Variants in HIRA observed in about 807,000 individuals in gnomAD.
HIRA encodes histone cell cycle regulator, also known as protein HIRA.
A neutral mutation model predicts 126.6 loss-of-function variants in HIRA; 13 were observed. The ratio of observed to expected loss-of-function variants is 0.10; its 90% confidence interval spans 0.07 to 0.16. HIRA has a LOEUF of 0.16. HIRA is among the 10% of genes least tolerant of loss of function. The pLI is 1.00. For synonymous variants in HIRA, 511 were observed against 520.0 expected (o/e 0.98, Z 0.24); for missense variants, 834 against 1,314.4 (o/e 0.63, Z 5.65).
chr22:19,335,566 A>G (rs1391205958), intron 24 of HIRA, among the ~76,000 whole-genome samples: 2 of 152,178 alleles, frequency 1.3e-5, no homozygotes, highest in African/African-American at 2.4e-5. Flanking sequence ...ACATTTTGAC[A>G]TTTAGATGAA....
chr22:19,336,841 A>T (rs942221833), intron 24 of HIRA, among the ~76,000 whole-genome samples: 16 of 151,264 alleles, frequency 1.1e-4, no homozygotes, highest in African/African-American at 3.9e-4. Flanking sequence ...GGGAAGGGGA[A>T]GTGCACCAAA....
intron 1 of HIRA, 119 bp downstream of exon 1, chr22:19,431,321 T>C: frequency 8.5e-7 from 1 of 1,174,854 alleles, no homozygotes. Flanking sequence ...CTTCTTGGCT[T>C]GGGCACCGGG....
intron 24 of HIRA, among the ~76,000 whole-genome samples, chr22:19,343,712 G>T (rs1209556569): frequency 7.2e-5 from 11 of 152,086 alleles, no homozygotes; most frequent in African/African-American, 2.7e-4. Flanking sequence ...GATTGATTGA[G>T]CCTAGGAATT....
chr22:19,366,493 A>G (rs2088914665), intron 15 of HIRA, among the ~76,000 whole-genome samples: 1 of 152,256 alleles, frequency 6.6e-6, no homozygotes, highest in Middle Eastern at 3.2e-3. Flanking sequence ...CAAAATATCA[A>G]CCTTAACAAG....
intron 1 of HIRA, among the ~76,000 whole-genome samples, chr22:19,420,547 G>C (rs561947269): frequency 6.6e-6 from 1 of 150,994 alleles, no homozygotes; most frequent in Non-Finnish European, 1.5e-5. Context: ...TTGACGAAAG[G>C]CATTTCTGTT....
At chr22:19,346,604 C>T (rs1015497852) in intron 24 of HIRA, among the ~76,000 whole-genome samples, 9 of 152,226 alleles carry the variant, frequency 5.9e-5, no homozygotes, top group African/African-American at 2.2e-4. Flanking sequence ...CTCATTTTCC[C>T]AGCCTCCCTT....
intron 1 of HIRA, 99 bp from the exon 2 acceptor site, chr22:19,410,877 G>T (rs2089346860): frequency 1.1e-6 from 1 of 951,998 alleles, no homozygotes; most frequent in African/African-American, 1.6e-5. Flanking sequence ...ACTGCTAGAA[G>T]ATTCTCCAAA....
intron 1 of HIRA, among the ~76,000 whole-genome samples, chr22:19,424,811 G>A (rs1196765995): frequency 6.6e-6 from 1 of 152,130 alleles, no homozygotes; most frequent in East Asian, 1.9e-4. Context: ...AGAGAATTTC[G>A]AGGGTAATCT....
intron 1 of HIRA, among the ~76,000 whole-genome samples, chr22:19,423,513 ACACACACACACAT>A (rs2089465381): frequency 9.0e-6 from 1 of 111,066 alleles, no homozygotes; most frequent in African/African-American, 3.2e-5. Flanking sequence ...ACACACACAC[ACACACACACACAT>A]ATTTTCAGCT....
chr22:19,333,563 G>A (rs2146504504), intron 24 of HIRA, among the ~76,000 whole-genome samples: 1 of 152,218 alleles, frequency 6.6e-6, no homozygotes, highest in East Asian at 1.9e-4. Flanking sequence ...CTCAGTGCAG[G>A]TTCCTTTGGG....
intron 24 of HIRA, among the ~76,000 whole-genome samples, chr22:19,333,804 T>C (rs1015838580): frequency 2.6e-5 from 4 of 152,214 alleles, no homozygotes; most frequent in Non-Finnish European, 4.4e-5. Flanking sequence ...TCCTCATACT[T>C]GATAATTTCA....
At chr22:19,390,895 C>G (rs888689046) in intron 9 of HIRA, among the ~76,000 whole-genome samples, 3 of 152,044 alleles carry the variant, frequency 2.0e-5, no homozygotes, top group African/African-American at 7.2e-5. Context: ...CTGTCAGCAA[C>G]ACGTGTCAGC....
intron 18 of HIRA, among the ~76,000 whole-genome samples, chr22:19,358,041 C>G (rs1409375410): frequency 6.6e-6 from 1 of 152,124 alleles, no homozygotes; most frequent in Admixed American, 6.5e-5. Context: ...GGTCTGTCGC[C>G]CAGGCTGGAG....
chr22:19,391,693 G>T (rs2089183705), intron 9 of HIRA, among the ~76,000 whole-genome samples: 1 of 152,086 alleles, frequency 6.6e-6, no homozygotes, highest in African/African-American at 2.4e-5. Flanking sequence ...TGTTAGCCAG[G>T]ATGGTCTCGA....
chr22:19,341,863 G>A (rs1045992651), intron 24 of HIRA, among the ~76,000 whole-genome samples: 1 of 152,126 alleles, frequency 6.6e-6, no homozygotes, highest in Non-Finnish European at 1.5e-5. Context: ...AGATAACATC[G>A]GAAAAACTCT....
Position 19,351,341 on chromosome 22 carries a change from A to G in HIRA, c.2937+17T>C. 6.3e-7 allele frequency: 1 copy of G among 1,584,154 alleles called. No individual in the cohort carries two copies. Among genetic ancestry groups the G allele is most frequent in the Non-Finnish European group, 8.5e-7 (1 of 1,169,730 alleles). On this transcript the variant is annotated intron_variant, in intron 24 of 24. Coordinates refer to ENST00000263208, the MANE Select transcript of HIRA (RefSeq NM_003325.4). This position sits in a 1 kb window ranked among gnomAD's most constrained non-coding sequence, Gnocchi z 4.8. ...TCAAGAAAGAATTCTTGCAGCAACA[A>G]TGAAAGAAGCACCTACCACTACTGT... is the stretch of plus-strand genomic sequence containing the variant.
intron 5 of HIRA, 147 bp downstream of exon 5, chr22:19,405,639 G>T: frequency 1.2e-6 from 1 of 859,036 alleles, no homozygotes; most frequent in Non-Finnish European, 1.6e-6. Flanking sequence ...TAAGGGACAG[G>T]CAGGGTGTGA....
intron 15 of HIRA, among the ~76,000 whole-genome samples, chr22:19,369,757 C>A (rs1385212653): frequency 6.6e-6 from 1 of 152,060 alleles, no homozygotes; most frequent in African/African-American, 2.4e-5. Flanking sequence ...CATGGTGAAA[C>A]CCCATCTGTA....
intron 15 of HIRA, among the ~76,000 whole-genome samples, chr22:19,368,740 C>T (rs979894971): frequency 2.6e-5 from 4 of 152,134 alleles, no homozygotes; most frequent in Non-Finnish European, 5.9e-5. Context: ...TAAAATACAG[C>T]GAGAATGTCA....
Sources: allele counts gnomAD v4.1 joint callset (sites outside exome capture counted in the v4.1 genomes callset), GRCh38; gene constraint gnomAD v4.1.1; non-coding constraint Gnocchi (gnomAD v3.1); transcripts MANE v1.5; gene names NCBI Gene and HGNC (gene_info 2026-07-23, HGNC 2026-07-21).